TVP23C: variants seen among roughly 807,000 people sequenced by gnomAD.
TVP23C encodes the protein trans-golgi network vesicle protein 23 homolog C.
In TVP23C, 19 loss-of-function variants were observed where a neutral mutation model predicts 28.7. The observed-to-expected ratio is 0.66, with a 90% CI of 0.46 to 0.97. The LOEUF is 0.97. Among genes scored for constraint, TVP23C ranks in the 50% least tolerant of loss-of-function variants. The pLI, the probability that TVP23C is intolerant of heterozygous loss-of-function variation, is 0.00. For missense variants in TVP23C, 186 were observed against 241.3 expected, an observed-to-expected ratio of 0.77 and a Z score of 1.52; for synonymous variants, 68 against 81.7, an observed-to-expected ratio of 0.83 and a Z score of 0.90.
At chr17:15,549,536 A>G (rs1168495660) in intron 3 of TVP23C, among the ~76,000 whole-genome samples, 1 of 152,042 alleles carries the variant, frequency 6.6e-6, no homozygotes, top group Non-Finnish European at 1.5e-5. Context: ...AAAATTCGCT[A>G]GGGATGGTGG....
exon 6 of TVP23C, chr17:15,503,019 G>A (rs368353086): frequency 1.9e-6 from 3 of 1,614,034 alleles, no homozygotes; most frequent in Admixed American, 3.3e-5. Context: ...GCCGCACGAA[G>A]AGGTGGAGAA....
At chr17:15,547,837 C>T (rs1365276817) in intron 3 of TVP23C, among the ~76,000 whole-genome samples, 1 of 152,032 alleles carries the variant, frequency 6.6e-6, no homozygotes, top group African/African-American at 2.4e-5. Context: ...GTCTGGGTAT[C>T]AGAAAATGAC....
intron 3 of TVP23C, among the ~76,000 whole-genome samples, chr17:15,548,028 TTATGAATGTAGACAACAAAC>T (rs1983719434): frequency 6.6e-6 from 1 of 152,182 alleles, no homozygotes; most frequent in African/African-American, 2.4e-5. Flanking sequence ...TATCTTTAAA[TTATGAATGTAGACAACAAAC>T]TATGAATGTA....
exon 6 of TVP23C, chr17:15,503,158 T>C (rs1981560573): frequency 1.9e-6 from 3 of 1,598,098 alleles, no homozygotes; most frequent in South Asian, 1.1e-5. Context: ...TCCCAGCGCT[T>C]TGGAAGGCGG....
chr17:15,524,282 C>T (rs1186272265), intron 5 of TVP23C, among the ~76,000 whole-genome samples: 5 of 152,074 alleles, frequency 3.3e-5, no homozygotes, highest in African/African-American at 1.2e-4. Flanking sequence ...ATTGAGAGTA[C>T]CATTTTGCCT....
intron 3 of TVP23C, among the ~76,000 whole-genome samples, chr17:15,549,745 G>A (rs533209694): frequency 2.6e-5 from 4 of 152,220 alleles, no homozygotes; most frequent in South Asian, 2.1e-4. Flanking sequence ...AAGACACATG[G>A]AGAGGCCTTA....
chr17:15,536,596 T>G (rs1482050351), downstream of TVP23C, among the ~76,000 whole-genome samples: 1 of 151,972 alleles, frequency 6.6e-6, no homozygotes, highest in Admixed American at 6.6e-5. Context: ...TCATTGTTAC[T>G]TGGTTTAGGA....
intron 5 of TVP23C, among the ~76,000 whole-genome samples, chr17:15,510,106 C>T (rs1981936769): frequency 6.6e-6 from 1 of 152,168 alleles, no homozygotes; most frequent in Admixed American, 6.5e-5. Flanking sequence ...TGGCCTGTGT[C>T]TCTGCATCGC....
downstream of TVP23C, among the ~76,000 whole-genome samples, chr17:15,532,771 CTTAAA>C (rs1384196867): frequency 1.3e-5 from 2 of 152,114 alleles, no homozygotes; most frequent in Non-Finnish European, 2.9e-5. Flanking sequence ...TAGGATTTCT[CTTAAA>C]TTAATATAAG....
At chr17:15,502,805 CTCT>C in exon 6 of TVP23C, 1 of 1,455,820 alleles carries the variant, frequency 6.9e-7, no homozygotes, top group Non-Finnish European at 9.1e-7. Context: ...TCTCTCCTCT[CTCT>C]CCTCTCTCTC....
chr17:15,520,964 TG>T (rs1337258694), intron 5 of TVP23C, among the ~76,000 whole-genome samples: 1 of 150,990 alleles, frequency 6.6e-6, no homozygotes, highest in African/African-American at 2.4e-5. Flanking sequence ...ATACTACTAA[TG>T]ATAGCAACAG....
intron 5 of TVP23C, among the ~76,000 whole-genome samples, chr17:15,516,852 G>A (rs764863292): frequency 6.6e-6 from 1 of 152,158 alleles, no homozygotes; most frequent in South Asian, 2.1e-4. Context: ...CTTCAGGAGA[G>A]AGGCCTTGGC....
intron 1 of TVP23C, among the ~76,000 whole-genome samples, chr17:15,558,075 T>C (rs1424712542): frequency 6.7e-6 from 1 of 149,502 alleles, no homozygotes; most frequent in Non-Finnish European, 1.5e-5. Flanking sequence ...AAAAGGCTGA[T>C]ACTTGGGTCC....
downstream of TVP23C, among the ~76,000 whole-genome samples, chr17:15,532,321 G>A (rs1168136521): frequency 6.6e-6 from 1 of 152,200 alleles, no homozygotes; most frequent in Non-Finnish European, 1.5e-5. Flanking sequence ...ATGAAGACAA[G>A]CCCTGTGATT....
intron 3 of TVP23C, among the ~76,000 whole-genome samples, chr17:15,548,427 A>C: frequency 6.6e-6 from 1 of 152,212 alleles, no homozygotes; most frequent in Non-Finnish European, 1.5e-5. Flanking sequence ...GGCCTCCCAA[A>C]GTGCTGGGAT....
rs376129734 is a variant in TVP23C at position 15,538,372 on chromosome 17, T to A, written c.*2040A>T. On this transcript the variant is annotated 3_prime_UTR_variant, in exon 6 of 6. Transcript: ENST00000518321. ...TTGGGAGGCCGAGGAGGGTGGATCA[T>A]GAGGTCAGGAGATCGAGACCCTCCT... 1 of 836,670 alleles carries A rather than the reference T, an allele frequency of 1.2e-6. No homozygotes were observed. Among genetic ancestry groups the A allele is most frequent in the African/African-American group, 1.8e-5 (1 of 54,066 alleles). 51.8% of individuals were successfully genotyped at this position (836,670 alleles called of 1,614,324 possible).
chr17:15,536,323 T>C (rs1439360361), downstream of TVP23C, among the ~76,000 whole-genome samples: 1 of 152,166 alleles, frequency 6.6e-6, no homozygotes, highest in Non-Finnish European at 1.5e-5. Flanking sequence ...GCTGCTCTAG[T>C]TTCTGCTATT....
intron 2 of TVP23C, among the ~76,000 whole-genome samples, chr17:15,554,723 C>G (rs1202842278): frequency 1.3e-5 from 2 of 152,116 alleles, no homozygotes; most frequent in Admixed American, 1.3e-4. Flanking sequence ...CCCCATTTAC[C>G]TTCAAACCCC....
At chr17:15,519,681 T>C (rs1982388589) in intron 5 of TVP23C, among the ~76,000 whole-genome samples, 2 of 151,900 alleles carry the variant, frequency 1.3e-5, no homozygotes, top group Non-Finnish European at 1.5e-5. Context: ...GAGGCCGAGG[T>C]GGGTGGATCA....
Sources: allele counts gnomAD v4.1 joint callset (sites outside exome capture counted in the v4.1 genomes callset), GRCh38; gene constraint gnomAD v4.1.1; transcripts MANE v1.5; gene names NCBI Gene and HGNC (gene_info 2026-07-23, HGNC 2026-07-21).